Variants in RARB observed in about 807,000 individuals in gnomAD.
The protein encoded by RARB is HBV-activated protein.
Under a neutral mutation model 51.9 loss-of-function variants are expected in RARB, and 17 were observed. The ratio of observed to expected loss-of-function variants is 0.33; its 90% CI spans 0.22 to 0.49. The LOEUF (loss-of-function observed/expected upper bound fraction) is 0.49, where lower values mean the gene tolerates loss of function less well. Ranked by LOEUF, RARB falls within the 20% of genes least tolerant of loss-of-function variation. The probability of loss-of-function intolerance (pLI) is 0.99; values close to 1 mark genes in which losing one functional copy is unlikely to be tolerated. For synonymous variants in RARB, 215 were observed against 195.4 expected (o/e 1.10, Z -0.84); for missense variants, 369 against 550.8 (o/e 0.67, Z 3.30).
intron 4 of RARB, among the ~76,000 whole-genome samples, chr3:25,156,486 C>G (rs1314752599): frequency 8.7e-6 from 1 of 114,782 alleles, no homozygotes; most frequent in Non-Finnish European, 1.6e-5. Flanking sequence ...TTTTAACTGA[C>G]TCTAATCACA....
intron 5 of RARB, among the ~76,000 whole-genome samples, chr3:25,247,109 T>C (rs925387691): frequency 1.3e-5 from 2 of 152,204 alleles, no homozygotes; most frequent in South Asian, 4.1e-4. Context: ...GCTGGGAGCT[T>C]CATTTACACT....
intron 5 of RARB, among the ~76,000 whole-genome samples, chr3:25,276,207 A>G (rs944148852): frequency 2.0e-5 from 3 of 152,158 alleles, no homozygotes; most frequent in African/African-American, 7.2e-5. Flanking sequence ...TAACTGGGGT[A>G]GTGTGTTATC....
chr3:25,230,510 T>C (rs1179997354), intron 5 of RARB, among the ~76,000 whole-genome samples: 1 of 152,028 alleles, frequency 6.6e-6, no homozygotes. Flanking sequence ...CAAAGAAAAG[T>C]TAAATTACCC....
chr3:25,207,169 T>C (rs1407688949), intron 5 of RARB, among the ~76,000 whole-genome samples: 1 of 152,186 alleles, frequency 6.6e-6, no homozygotes, highest in African/African-American at 2.4e-5. Context: ...ATTTTGCTCC[T>C]TATTCAGGGC....
intron 2 of RARB, among the ~76,000 whole-genome samples, chr3:24,970,220 T>G (rs1480207279): frequency 6.6e-6 from 1 of 152,032 alleles, no homozygotes; most frequent in Non-Finnish European, 1.5e-5. Flanking sequence ...CACTGCTGAT[T>G]TAGAAGGAAT....
intron 3 of RARB, among the ~76,000 whole-genome samples, chr3:25,100,344 T>C (rs1264808484): frequency 6.6e-6 from 1 of 152,166 alleles, no homozygotes; most frequent in Non-Finnish European, 1.5e-5. Flanking sequence ...AACTGTAATC[T>C]AAATAACAAG....
chr3:25,105,558 C>T (rs1699483697), intron 3 of RARB, among the ~76,000 whole-genome samples: 2 of 151,912 alleles, frequency 1.3e-5, no homozygotes. Context: ...ATAATGGATT[C>T]AGCTGTTTAT....
intron 5 of RARB, among the ~76,000 whole-genome samples, chr3:25,307,360 C>T (rs1704177626): frequency 6.6e-6 from 1 of 151,206 alleles, no homozygotes; most frequent in Admixed American, 6.6e-5. Context: ...ACACTCCAGC[C>T]TTTGAGACAG....
At position 25,596,724 on chromosome 3, in the gene RARB, T is replaced by G; in HGVS notation, c.*108T>G. 1 of 1,026,816 alleles carries G rather than the reference T, an allele frequency of 9.7e-7. No individual in the cohort carries two copies. The highest frequency in any genetic ancestry group is 1.4e-6 in the Non-Finnish European group (1 of 720,660). 63.6% of individuals were successfully genotyped at this position (1,026,816 alleles called of 1,614,324 possible). On this transcript the variant is annotated 3_prime_UTR_variant, in exon 8 of 8. Coordinates refer to ENST00000330688, the MANE Select transcript of RARB (RefSeq NM_000965.5). ...CTTAGTTTTTGGACTGAAAAGATAT[T>G]AAAACTCAAGAAGGACCAAGAAGTT... is the stretch of plus-strand genomic sequence containing the variant.
chr3:25,191,632 A>C (rs1026830354), intron 5 of RARB, among the ~76,000 whole-genome samples: 2 of 152,156 alleles, frequency 1.3e-5, no homozygotes, highest in Non-Finnish European at 2.9e-5. Flanking sequence ...TACAGTAACT[A>C]AGCTGGGCAA....
At position 24,958,255 on chromosome 3, in the gene RARB, G is replaced by GTTTTGTTTTTTTTTTTTT. The variant is rs1314564374; in HGVS notation, c.-380+99507_-380+99508insGTTTTTTTTTTTTTTTTT. Among the ~76,000 whole-genome samples, 8 of 69,464 alleles carry GTTTTGTTTTTTTTTTTTT rather than the reference G, an allele frequency of 1.2e-4. 2 individuals carry two copies. Among genetic ancestry groups the GTTTTGTTTTTTTTTTTTT allele is most frequent in the Non-Finnish European group, 2.4e-4 (8 of 33,304 alleles). The allele number at this position is 69,464 out of a possible 152,430, so 45.6% of individuals were successfully genotyped here. On this transcript the variant is annotated intron_variant, in intron 2 of 11. Coordinates refer to the RARB transcript ENST00000383772. ...ACCTGAAGCTTCCTGAGCTGCTCAG[G>GTTTTGTTTTTTTTTTTTT]TTTTTTTTTTTTTTTTTTTTTTTTT...
intron 5 of RARB, among the ~76,000 whole-genome samples, chr3:25,327,069 T>G (rs1055702447): frequency 6.6e-6 from 1 of 152,002 alleles, no homozygotes. Flanking sequence ...AATTCCCACC[T>G]ATAAGTGAGA....
At chr3:24,972,274 C>T (rs1696416952) in intron 2 of RARB, among the ~76,000 whole-genome samples, 2 of 151,948 alleles carry the variant, frequency 1.3e-5, no homozygotes, top group African/African-American at 4.8e-5. Flanking sequence ...TATTTCACTT[C>T]ACATAACTCC....
At chr3:24,983,584 C>T (rs1432081803) in intron 2 of RARB, among the ~76,000 whole-genome samples, 1 of 152,052 alleles carries the variant, frequency 6.6e-6, no homozygotes. Flanking sequence ...CTCCCTGTGT[C>T]CATGGGTTCT....
chr3:25,318,429 T>A (rs1218458982), intron 5 of RARB, among the ~76,000 whole-genome samples: 2 of 152,326 alleles, frequency 1.3e-5, no homozygotes, highest in Non-Finnish European at 2.9e-5. Context: ...CACTTCAATT[T>A]TATTGAACAT....
At chr3:24,901,376 C>G (rs1349390786) in intron 2 of RARB, among the ~76,000 whole-genome samples, 1 of 151,970 alleles carries the variant, frequency 6.6e-6, no homozygotes, top group South Asian at 2.1e-4. Flanking sequence ...CAGAACAAAC[C>G]CCAAACCTAT....
At chr3:25,279,440 A>G (rs1437973653) in intron 5 of RARB, among the ~76,000 whole-genome samples, 1 of 152,184 alleles carries the variant, frequency 6.6e-6, no homozygotes, top group East Asian at 1.9e-4. Context: ...TACAATTTTA[A>G]TAGGTTGTTC....
chr3:25,096,405 C>T (rs2036270), intron 3 of RARB, among the ~76,000 whole-genome samples: 134,824 of 152,184 alleles, frequency 0.89, 60,080 homozygotes, highest in African/African-American at 0.97. Flanking sequence ...GGGGAAGTTG[C>T]ATCTAAATTT....
chr3:25,569,362 T>G (rs567207003), intron 3 of RARB, among the ~76,000 whole-genome samples: 1 of 152,318 alleles, frequency 6.6e-6, no homozygotes, highest in African/African-American at 2.4e-5. Flanking sequence ...GTAACGGGGC[T>G]TTGTTCAGAG....
Sources: allele counts gnomAD v4.1 joint callset (sites outside exome capture counted in the v4.1 genomes callset), GRCh38; gene constraint gnomAD v4.1.1; transcripts MANE v1.5; gene names NCBI Gene and HGNC (gene_info 2026-07-23, HGNC 2026-07-21).